CPLANE1: variants seen among roughly 807,000 people sequenced by gnomAD.
CPLANE1 encodes the protein ciliogenesis and planar polarity effector complex subunit 1, also known as ciliogenesis and planar polarity effector 1.
A neutral mutation model predicts 362.5 loss-of-function variants in CPLANE1; 263 were observed. The ratio of observed to expected loss-of-function variants is 0.73; its 90% confidence interval spans 0.66 to 0.80. CPLANE1 has a LOEUF of 0.80. CPLANE1 is among the 30% of genes least tolerant of loss of function. The pLI is 0.00. For missense variants in CPLANE1, 3,461 were observed against 3,793.4 expected (o/e 0.91, Z 2.30); for synonymous variants, 1,212 against 1,302.6 (o/e 0.93, Z 1.50).
intron 7 of CPLANE1, 130 bp downstream of exon 7, chr5:37,239,583 A>T: frequency 2.4e-6 from 1 of 415,898 alleles, no homozygotes; most frequent in Non-Finnish European, 3.5e-6. Flanking sequence ...ACCCTGTCAA[A>T]AAAAAAAAAA....
chr5:37,243,623 T>C (rs1214658708), intron 5 of CPLANE1, among the ~76,000 whole-genome samples: 1 of 148,728 alleles, frequency 6.7e-6, no homozygotes, highest in Non-Finnish European at 1.5e-5. Flanking sequence ...CAATTCTAGC[T>C]TGTTAAATTA....
chr5:37,165,024 C>T (rs1348572817), intron 36 of CPLANE1, among the ~76,000 whole-genome samples: 2 of 151,942 alleles, frequency 1.3e-5, no homozygotes, highest in African/African-American at 2.4e-5. Context: ...GAGGATTGCC[C>T]GAGCCCAGGA....
chr5:37,136,292 A>G (rs1767691032), intron 46 of CPLANE1, among the ~76,000 whole-genome samples: 1 of 152,226 alleles, frequency 6.6e-6, no homozygotes, highest in Non-Finnish European at 1.5e-5. Flanking sequence ...AAAATCCAAT[A>G]GGGCAGTCAT....
chr5:37,158,045 T>G, intron 39 of CPLANE1, 177 bp from the exon 40 acceptor site: 1 of 794,810 alleles, frequency 1.3e-6, no homozygotes, highest in Non-Finnish European at 2.0e-6. Context: ...GTATGTATTA[T>G]TGGTCTTAGT....
intron 37 of CPLANE1, among the ~76,000 whole-genome samples, chr5:37,163,189 T>C (rs1362875522): frequency 6.6e-6 from 1 of 152,070 alleles, no homozygotes; most frequent in Non-Finnish European, 1.5e-5. Context: ...GTGTGGAAAA[T>C]AGGTTTGAGT....
chr5:37,137,503 A>G (rs1304283377), intron 46 of CPLANE1, among the ~76,000 whole-genome samples: 1 of 151,898 alleles, frequency 6.6e-6, no homozygotes, highest in Non-Finnish European at 1.5e-5. Context: ...GTAGCACCCC[A>G]CTCTCTGCAG....
chr5:37,120,219 G>A lies in CPLANE1; in HGVS notation c.9307C>T (p.His3103Tyr), dbSNP rs145378102. 46 of 1,599,602 alleles carry A rather than the reference G, an allele frequency of 2.9e-5. No individual in the cohort carries two copies. In the Admixed American group the frequency reaches 5.6e-4, roughly 20 times the overall value. The change falls in exon 50 of 53, where the codon CAT (histidine) becomes TAT (tyrosine). Residue 3103 changes from histidine (H) to tyrosine (Y), a missense_variant. Coordinates refer to ENST00000651892, the MANE Select transcript of CPLANE1 (RefSeq NM_001384732.1). ...FGQPQGSPWP[H>Y]GTATFTIQKK... ...ATAAAAAAGCTTTAAGTCTTACCAT[G>A]TGGCCAAGGTGAGCCTTGAGGTTGC...
chr5:37,078,226 C>T, the CPLANE1 span, among the ~76,000 whole-genome samples: 1,016 of 152,060 alleles, frequency 6.7e-3, 9 homozygotes, highest in African/African-American at 0.023. Context: ...GCCCCAGTGG[C>T]GTGTTGTTCC....
chr5:37,169,701 G>A lies in CPLANE1; in HGVS notation c.6463-140C>T, dbSNP rs529949198. 1.8e-4 allele frequency: 127 copies of A among 696,416 alleles called. 1 individual carries two copies. In the African/African-American group the frequency reaches 2.1e-3, roughly 11 times the overall value. 43.1% of individuals were successfully genotyped at this position (696,416 alleles called of 1,614,324 possible). ...AAATTATTTATTCAATAAAAAACAC[G>A]ATGACTATTGAACTACTCAGGACAT... is the stretch of plus-strand genomic sequence containing the variant. On this transcript the variant is annotated intron_variant, in intron 33 of 52. Transcript: ENST00000651892.
chr5:37,153,940 C>T lies in CPLANE1; in HGVS notation c.8173G>A (p.Ala2725Thr). 1 of 1,614,070 alleles carries T rather than the reference C, an allele frequency of 6.2e-7. No individual in the cohort carries two copies. The highest frequency in any genetic ancestry group is 1.1e-5 in the South Asian group (1 of 91,070). The change falls in exon 42 of 53, where the codon GCA becomes ACA. Residue 2725 changes from alanine (A) to threonine (T), a missense_variant. Physicochemically the swap from Ala to Thr is moderately conservative, Grantham distance 58. Coordinates refer to ENST00000651892, the MANE Select transcript of CPLANE1 (RefSeq NM_001384732.1). The stretch of plus-strand genomic sequence containing the variant: ...CGTTTCCACAATAGATAATCTTCTG[C>T]AGAGTCTGACTTTGTGCTCTGTCCT... The part of the protein sequence containing the change: ...FKGQSTKSDS[A>T]EDYLLWKRLQ...
the CPLANE1 span, among the ~76,000 whole-genome samples, chr5:37,099,106 T>C: frequency 6.6e-6 from 1 of 152,198 alleles, no homozygotes; most frequent in African/African-American, 2.4e-5. Flanking sequence ...CAAAATGAAG[T>C]TGCTTTTTTT....
chr5:37,107,366 G>A lies in CPLANE1; in HGVS notation c.*236C>T. 4 of 1,222,310 alleles carry A rather than the reference G, an allele frequency of 3.3e-6. No individual in the cohort carries two copies. The highest frequency in any genetic ancestry group is 4.1e-6 in the Non-Finnish European group (4 of 980,244). The allele number at this position is 1,222,310 out of a possible 1,614,324, so 75.7% of individuals were successfully genotyped here. A position where few individuals can be genotyped will look rare whatever the true frequency, so the allele number is the denominator to read the frequency against. On this transcript the variant is annotated 3_prime_UTR_variant, in exon 53 of 53. Coordinates refer to ENST00000651892, the MANE Select transcript of CPLANE1 (RefSeq NM_001384732.1). ...CATTTTAAAAATTATGCCTAATGAT[G>A]CATCAAATACAAAAACATATAATAC...
At chr5:37,091,207 C>T in the CPLANE1 span, among the ~76,000 whole-genome samples, 9 of 152,146 alleles carry the variant, frequency 5.9e-5, no homozygotes, top group African/African-American at 2.2e-4. Flanking sequence ...ATGTTACACA[C>T]GTCCCTGAAT....
chr5:37,121,584 T>G lies in CPLANE1; in HGVS notation c.9185+33A>C, dbSNP rs1334345967. 4 of 1,604,704 alleles carry G rather than the reference T, an allele frequency of 2.5e-6. No individual in the cohort carries two copies. In the Admixed American group the frequency reaches 6.7e-5, roughly 27 times the overall value. On this transcript the variant is annotated intron_variant, in intron 49 of 52. Transcript: ENST00000651892. ...TTTCTTCTTATCAGGCCTGACGTTA[T>G]CTTGCCAAATGGCATGTGAAACCTT...
chr5:37,245,297 CTATATATATA>C (rs57781968), intron 4 of CPLANE1, among the ~76,000 whole-genome samples, 172 bp downstream of exon 4: 3,419 of 59,444 alleles, frequency 0.058, 136 homozygotes, highest in Admixed American at 0.076. Flanking sequence ...ATAACCAAAA[CTATATATATA>C]TATATATATA....
chr5:37,196,138 C>T (rs1351977603), intron 20 of CPLANE1, 142 bp from the exon 21 acceptor site: 14 of 515,590 alleles, frequency 2.7e-5, no homozygotes, highest in African/African-American at 4.0e-5. Context: ...TTTTCAGAAA[C>T]TTACAAATTT....
chr5:37,238,780 T>G, intron 8 of CPLANE1, 77 bp downstream of exon 8: 4 of 720,584 alleles, frequency 5.6e-6, no homozygotes, highest in African/African-American at 1.8e-5. Flanking sequence ...ATTACAGGTG[T>G]GAGCTACCAC....
At chr5:37,137,907 G>C (rs1768247166) in intron 46 of CPLANE1, among the ~76,000 whole-genome samples, 1 of 151,496 alleles carries the variant, frequency 6.6e-6, no homozygotes, top group Admixed American at 6.6e-5. Context: ...ATATCAGTCA[G>C]ATATCAGGGT....
intron 41 of CPLANE1, among the ~76,000 whole-genome samples, chr5:37,154,456 G>GTTTT (rs1457651303): frequency 3.6e-5 from 3 of 83,126 alleles, no homozygotes; most frequent in African/African-American, 2.8e-4. Context: ...ATTTGCAATA[G>GTTTT]TTCTTTTTTT....
Sources: allele counts gnomAD v4.1 joint callset (sites outside exome capture counted in the v4.1 genomes callset), GRCh38; gene constraint gnomAD v4.1.1; transcripts MANE v1.5; gene names NCBI Gene and HGNC (gene_info 2026-07-23, HGNC 2026-07-21).